Variants in THG1L observed in about 807,000 individuals in gnomAD.
The protein encoded by THG1L is probable tRNA(His) guanylyltransferase.
In THG1L, 27 loss-of-function variants were observed where a neutral mutation model predicts 35.2. The ratio of observed to expected loss-of-function variants is 0.77; its 90% confidence interval spans 0.57 to 1.06. The LOEUF (loss-of-function observed/expected upper bound fraction) is 1.06, where lower values mean the gene tolerates loss of function less well. THG1L is among the 50% of genes least tolerant of loss of function. The pLI, the probability that THG1L is intolerant of heterozygous loss-of-function variation, is 0.00. For synonymous variants in THG1L, 135 were observed against 132.4 expected, an observed-to-expected ratio of 1.02 and a Z score of -0.14; for missense variants, 377 against 371.8, an observed-to-expected ratio of 1.01 and a Z score of -0.12.
At chr5:157,734,810 T>C in intron 3 of THG1L, 65 bp downstream of exon 3, 2 of 1,582,014 alleles carry the variant, frequency 1.3e-6, no homozygotes, top group Non-Finnish European at 1.7e-6. Context: ...GGTGTTGATC[T>C]GATACAGGAT....
At chr5:157,735,771 C>G in intron 3 of THG1L, 75 bp from the exon 4 acceptor site, 2 of 1,027,492 alleles carry the variant, frequency 1.9e-6, no homozygotes, top group South Asian at 3.0e-5. Context: ...GGTCAGGGCT[C>G]TAGTATTCCT....
chr5:157,735,997 C>CTT, intron 4 of THG1L, 63 bp downstream of exon 4: 1 of 1,119,334 alleles, frequency 8.9e-7, no homozygotes, highest in Non-Finnish European at 1.3e-6. Context: ...TCTCCCATAA[C>CTT]TTTTTTTTTG....
chr5:157,734,768 A>G (rs767198153), intron 3 of THG1L, 23 bp downstream of exon 3: 6 of 1,613,658 alleles, frequency 3.7e-6, no homozygotes, highest in East Asian at 4.5e-5. Context: ...AAATAAACAC[A>G]TGTAGTTAAA....
At chr5:157,733,067 T>C (rs1356474431) in intron 2 of THG1L, 23 bp downstream of exon 2, 2 of 1,606,576 alleles carry the variant, frequency 1.2e-6, no homozygotes, top group Admixed American at 1.7e-5. Context: ...CCTAACTCCT[T>C]TCTTCAGAAT....
At chr5:157,733,581 T>C (rs1296827907) in intron 2 of THG1L, among the ~76,000 whole-genome samples, 1 of 152,082 alleles carries the variant, frequency 6.6e-6, no homozygotes, top group Non-Finnish European at 1.5e-5. Context: ...TTCTCCTGTC[T>C]TGGCCTCTCG....
rs1177650046 is a variant in THG1L, at chr5:157,732,228, AAAAAAAAAAAAAAAAAGAGAG to A, written c.191+599_192-618del. On this transcript the variant is annotated intron_variant, in intron 1 of 5. Coordinates refer to ENST00000231198, the MANE Select transcript of THG1L (RefSeq NM_017872.5). ...ACTCCGCCACTACAAAAAAAAAAAA[AAAAAAAAAAAAAAAAAGAGAG>A]AGAGAGAGAGAAAGAAGGAAGAGAG... 1.1e-4 allele frequency among the ~76,000 whole-genome samples: 16 copies of A among 140,638 alleles called. 1 individual carries two copies. Among genetic ancestry groups the A allele is most frequent in the Non-Finnish European group, 2.5e-4 (16 of 64,656 alleles). 92.3% of individuals were successfully genotyped at this position (140,638 alleles called of 152,430 possible). A position where few individuals can be genotyped will look rare whatever the true frequency, so the allele number is the denominator to read the frequency against.
At position 157,734,544 on chromosome 5, in the gene THG1L, TTACTCCACCCAATG is replaced by T; in HGVS notation, c.369-30_369-17del. 6.2e-7 allele frequency: 1 copy of T among 1,610,696 alleles called. No homozygotes were observed. The highest frequency in any genetic ancestry group is 2.2e-5 in the East Asian group (1 of 44,794). On this transcript the variant is annotated intron_variant, in intron 2 of 5. Coordinates refer to ENST00000231198, the MANE Select transcript of THG1L (RefSeq NM_017872.5). ...CTAATTCCGTGTATTTTTCTTTTTC[TTACTCCACCCAATG>T]TGCGTTACATTTTCAAGTAAGTTCA... is the stretch of plus-strand genomic sequence containing the variant.
Position 157,739,598 on chromosome 5 carries a change from A to G in THG1L, c.*116A>G. On this transcript the variant is annotated 3_prime_UTR_variant, in exon 6 of 6. Coordinates refer to ENST00000231198, the MANE Select transcript of THG1L (RefSeq NM_017872.5). Reference sequence around the variant, plus strand: ...CACCCAGGACACTGGTGCGAATGACACAACTCAAGTTGGGAGGGGAACAGG... The same window carrying G: ...CACCCAGGACACTGGTGCGAATGACGCAACTCAAGTTGGGAGGGGAACAGG... The G allele has an allele frequency of 8.0e-7, 1 of 1,243,856 alleles. No individual in the cohort carries two copies. Among genetic ancestry groups the G allele is most frequent in the South Asian group, 1.8e-5 (1 of 57,034 alleles). The allele number at this position is 1,243,856 out of a possible 1,614,324, so 77.1% of individuals were successfully genotyped here.
In THG1L at chr5:157,732,954, A is replaced by C; in HGVS notation, c.278A>C (p.Glu93Ala). ...MTKCAQTVME[E>A]LEDIVIAYGQ... ...AAATGTGCGCAGACTGTGATGGAAG[A>C]ACTAGAGGATATTGTGATCGCGTAT... Residue 93 changes from glutamate (E) to alanine (A), a missense_variant, in exon 2 of 6, where the codon GAA becomes GCA. Coordinates refer to ENST00000231198, the MANE Select transcript of THG1L (RefSeq NM_017872.5). 1 of 1,614,242 alleles carries C rather than the reference A, an allele frequency of 6.2e-7. No homozygotes were observed. Among genetic ancestry groups the C allele is most frequent in the Non-Finnish European group, 8.5e-7 (1 of 1,180,036 alleles).
chr5:157,731,588 C>G lies in THG1L; in HGVS notation c.148C>G (p.His50Asp), dbSNP rs746504857. 2 of 1,610,888 alleles carry G rather than the reference C, an allele frequency of 1.2e-6. No homozygotes were observed. Among genetic ancestry groups the G allele is most frequent in the Admixed American group, 1.7e-5 (1 of 59,516 alleles). Residue 50 changes from histidine to aspartate, a missense_variant, in exon 1 of 6, where the codon CAC becomes GAC. Transcript: ENST00000231198. ...CGAGGCTGACGACACCTGCCTGGCA[C>G]ACTGCTGGGTGGTAGTGCGGCTGGA... ...DFEADDTCLA[H>D]CWVVVRLDGR...
chr5:157,738,859 C>G (rs527351502), intron 5 of THG1L: 7 of 189,724 alleles, frequency 3.7e-5, no homozygotes, highest in South Asian at 1.4e-4. Context: ...GAGTCTTGCT[C>G]TGTTGCTCAG....
chr5:157,741,350 T>TC lies in THG1L; in HGVS notation c.*1871dup, dbSNP rs1761038009. On this transcript the variant is annotated 3_prime_UTR_variant, in exon 6 of 6. Transcript: ENST00000231198. ...CAACCCATCTGTCGATGCCATTTTT[T>TC]CCCTTCCTGTTCTCACTCCACAGAA... 1 of 152,238 alleles carries TC rather than the reference T, an allele frequency of 6.6e-6. No homozygotes were observed. The highest frequency in any genetic ancestry group is 6.5e-5 in the Admixed American group (1 of 15,282). 9.4% of individuals were successfully genotyped at this position (152,238 alleles called of 1,614,324 possible).
In THG1L at chr5:157,738,289, A is replaced by G. The variant is rs112293429; in HGVS notation, c.735+295A>G. Among the ~76,000 whole-genome samples, 373 of 152,336 alleles carry G rather than the reference A, an allele frequency of 2.4e-3. 2 individuals are homozygous for G. Among genetic ancestry groups the G allele is most frequent in the African/African-American group, 8.4e-3 (351 of 41,584 alleles). ...ATCCTTTAAAAAGGATACAGTACAG[A>G]TATGAGGATTTGTGCATTAATAAAA... On this transcript the variant is annotated intron_variant, in intron 5 of 5. Transcript: ENST00000231198.
intron 2 of THG1L, 72 bp downstream of exon 2, chr5:157,733,116 G>T (rs1474600876): frequency 1.9e-6 from 3 of 1,555,840 alleles, no homozygotes; most frequent in Non-Finnish European, 2.6e-6. Flanking sequence ...TATCTTAATC[G>T]CAGACTTACA....
At chr5:157,731,681 A>G in intron 1 of THG1L, 50 bp downstream of exon 1, 23 of 1,554,450 alleles carry the variant, frequency 1.5e-5, no homozygotes, top group Non-Finnish European at 1.8e-5. Context: ...CTTCCGGGGA[A>G]TCCAGCTTCT....
At chr5:157,731,683 C>T (rs756419333) in intron 1 of THG1L, 52 bp downstream of exon 1, 2 of 1,546,372 alleles carry the variant, frequency 1.3e-6, no homozygotes, top group Non-Finnish European at 1.7e-6. Context: ...TCCGGGGAAT[C>T]CAGCTTCTTC....
At chr5:157,734,802 T>G in intron 3 of THG1L, 57 bp downstream of exon 3, 1 of 1,598,412 alleles carries the variant, frequency 6.3e-7, no homozygotes, top group Non-Finnish European at 8.6e-7. Flanking sequence ...GTCTTACAGG[T>G]GTTGATCTGA....
Position 157,737,961 on chromosome 5 carries a change from G to A in THG1L, c.702G>A (p.Met234Ile), listed in dbSNP as rs773242409. ...FNINYNNELP[M>I]YRKGTVLIWQ... ...TCAACTATAATAATGAGCTGCCGAT[G>A]TATAGGAAAGGGACTGTGTTGATAT... is the stretch of plus-strand genomic sequence containing the variant. Residue 234 changes from methionine (M) to isoleucine (I), a missense_variant, in exon 5 of 6, where the codon ATG becomes ATA. Physicochemically the swap from Met to Ile is conservative, Grantham distance 10. Coordinates refer to ENST00000231198, the MANE Select transcript of THG1L (RefSeq NM_017872.5). The A allele has an allele frequency of 1.3e-5, 21 of 1,613,034 alleles. No individual in the cohort carries two copies. Among genetic ancestry groups the A allele is most frequent in the Admixed American group, 1.7e-5 (1 of 59,910 alleles).
chr5:157,731,676 G>A (rs1393025340), intron 1 of THG1L, 45 bp downstream of exon 1: 11 of 1,561,056 alleles, frequency 7.0e-6, no homozygotes, highest in Non-Finnish European at 8.7e-6. Context: ...CAGCGCTTCC[G>A]GGGAATCCAG....
Sources: allele counts gnomAD v4.1 joint callset (sites outside exome capture counted in the v4.1 genomes callset), GRCh38; gene constraint gnomAD v4.1.1; transcripts MANE v1.5; gene names NCBI Gene and HGNC (gene_info 2026-07-23, HGNC 2026-07-21).